CTNNA3: variants seen among roughly 807,000 people sequenced by gnomAD.
CTNNA3 encodes the protein catenin alpha 3, also known as catenin alpha-3.
Under a neutral mutation model 95.7 loss-of-function variants are expected in CTNNA3, and 76 were observed. The observed-to-expected ratio is 0.79, with a 90% CI of 0.66 to 0.96. The LOEUF is 0.96. Among genes scored for constraint, CTNNA3 ranks in the 40% least tolerant of loss-of-function variants. The pLI is 0.00. For synonymous variants in CTNNA3, 431 were observed against 374.4 expected, an observed-to-expected ratio of 1.15 and a Z score of -1.74; for missense variants, 1,191 against 1,089.8, an observed-to-expected ratio of 1.09 and a Z score of -1.31.
At chr10:66,772,468 T>C (rs1042988069) in intron 8 of CTNNA3, among the ~76,000 whole-genome samples, 5 of 147,256 alleles carry the variant, frequency 3.4e-5, no homozygotes, top group African/African-American at 1.2e-4. Flanking sequence ...GAAAACAGGT[T>C]AATGTGTTGG....
At chr10:67,060,546 C>T (rs1422967492) in intron 7 of CTNNA3, among the ~76,000 whole-genome samples, 1 of 152,190 alleles carries the variant, frequency 6.6e-6, no homozygotes, top group African/African-American at 2.4e-5. Flanking sequence ...AGTTAGGCAG[C>T]ACCAGATAAC....
intron 7 of CTNNA3, among the ~76,000 whole-genome samples, chr10:66,822,373 C>A (rs1842333777): frequency 1.3e-5 from 2 of 152,070 alleles, no homozygotes; most frequent in South Asian, 4.1e-4. Context: ...CAGGGAGCCG[C>A]TACTGATCAA....
chr10:67,286,460 C>T (rs1839606639), intron 5 of CTNNA3, among the ~76,000 whole-genome samples: 1 of 152,130 alleles, frequency 6.6e-6, no homozygotes, highest in Non-Finnish European at 1.5e-5. Flanking sequence ...AAAATGGAGA[C>T]AATATTACCT....
At chr10:67,543,663 T>G (rs7083429) in intron 3 of CTNNA3, among the ~76,000 whole-genome samples, 78,191 of 151,926 alleles carry the variant, frequency 0.51, 24,408 homozygotes, top group African/African-American at 0.86. Flanking sequence ...TATGCATCTG[T>G]CCAAGTGATA....
chr10:67,547,063 C>A (rs570060830), intron 3 of CTNNA3, among the ~76,000 whole-genome samples: 7 of 152,102 alleles, frequency 4.6e-5, no homozygotes, highest in Non-Finnish European at 1.0e-4. Flanking sequence ...GGGTATACAA[C>A]AACGATTATA....
intron 17 of CTNNA3, among the ~76,000 whole-genome samples, chr10:65,939,319 A>G: frequency 6.6e-6 from 1 of 152,222 alleles, no homozygotes; most frequent in East Asian, 1.9e-4. Context: ...TTTGTGCAGT[A>G]TGCAGGTTGG....
At chr10:67,130,066 T>C (rs898743855) in intron 7 of CTNNA3, among the ~76,000 whole-genome samples, 3 of 152,112 alleles carry the variant, frequency 2.0e-5, no homozygotes, top group Admixed American at 6.6e-5. Flanking sequence ...GTCTTTGAAA[T>C]CTACCCCCCT....
chr10:67,068,470 C>T (rs1193874920), intron 7 of CTNNA3, among the ~76,000 whole-genome samples: 1 of 152,144 alleles, frequency 6.6e-6, no homozygotes. Flanking sequence ...AGTTTAGAGA[C>T]ACAGATTTGA....
intron 15 of CTNNA3, among the ~76,000 whole-genome samples, chr10:66,048,959 A>G (rs1236398199): frequency 1.4e-5 from 2 of 137,996 alleles, no homozygotes; most frequent in African/African-American, 5.2e-5. Context: ...TAAAATTAAG[A>G]TATTCTACAC....
intron 5 of CTNNA3, among the ~76,000 whole-genome samples, chr10:67,294,245 C>T (rs751543802): frequency 2.3e-4 from 35 of 151,982 alleles, no homozygotes; most frequent in Non-Finnish European, 4.6e-4. Context: ...TATTTAGAGA[C>T]CCAAATATAT....
intron 7 of CTNNA3, among the ~76,000 whole-genome samples, chr10:66,925,216 C>T (rs189082864): frequency 1.2e-3 from 185 of 152,244 alleles, no homozygotes; most frequent in Non-Finnish European, 1.9e-3. Context: ...AAAGTTACCT[C>T]CCCAAGTCTG....
intron 7 of CTNNA3, among the ~76,000 whole-genome samples, chr10:67,037,837 G>C (rs1234817863): frequency 6.6e-6 from 1 of 152,040 alleles, no homozygotes; most frequent in Non-Finnish European, 1.5e-5. Context: ...GAGATGTATT[G>C]GTAAATTATG....
intron 5 of CTNNA3, among the ~76,000 whole-genome samples, chr10:67,485,600 AAC>A (rs61586092): frequency 0.026 from 3,939 of 152,324 alleles, 135 homozygotes; most frequent in African/African-American, 0.078. Context: ...AGGTGGTGAT[AAC>A]ACAGTGGAAG....
intron 9 of CTNNA3, among the ~76,000 whole-genome samples, chr10:66,702,510 G>A (rs1461337783): frequency 1.3e-5 from 2 of 151,882 alleles, no homozygotes; most frequent in Non-Finnish European, 2.9e-5. Flanking sequence ...TTCGAGACTA[G>A]CCTGACCAAC....
intron 7 of CTNNA3, among the ~76,000 whole-genome samples, chr10:66,934,012 G>A (rs1326342879): frequency 6.6e-6 from 1 of 152,052 alleles, no homozygotes; most frequent in African/African-American, 2.4e-5. Context: ...ATAGGGTCAT[G>A]AATGGACGCT....
At chr10:66,178,390 C>T (rs1225726753) in intron 13 of CTNNA3, among the ~76,000 whole-genome samples, 1 of 111,962 alleles carries the variant, frequency 8.9e-6, no homozygotes, top group South Asian at 2.9e-4. Flanking sequence ...AACTACAAAC[C>T]TTGAAAGTGT....
At chr10:67,564,666 T>C (rs1841680366) in intron 3 of CTNNA3, among the ~76,000 whole-genome samples, 1 of 78,662 alleles carries the variant, frequency 1.3e-5, no homozygotes, top group Admixed American at 1.5e-4. Flanking sequence ...TGCATATATG[T>C]GTGTGTGTGT....
Position 66,659,335 on chromosome 10 carries a change from T to A in CTNNA3, c.1282-37551A>T, listed in dbSNP as rs932622535. 3.3e-5 allele frequency among the ~76,000 whole-genome samples: 5 copies of A among 152,010 alleles called. No homozygotes were observed. The East Asian group carries it at 5.8e-4, about 18-fold the overall frequency. On this transcript the variant is annotated intron_variant, in intron 9 of 17. Coordinates refer to ENST00000433211, the MANE Select transcript of CTNNA3 (RefSeq NM_013266.4). Reference sequence around the variant, plus strand: ...GAGAGAGAAGGTCTCTCTGAGGAGGTAACTTTGAGTAGAGACCTGTATAAG... The same window carrying A: ...GAGAGAGAAGGTCTCTCTGAGGAGGAAACTTTGAGTAGAGACCTGTATAAG...
intron 11 of CTNNA3, among the ~76,000 whole-genome samples, chr10:66,451,501 G>A (rs1021115321): frequency 6.6e-6 from 1 of 152,058 alleles, no homozygotes; most frequent in Non-Finnish European, 1.5e-5. Context: ...TATAAAAATG[G>A]TCTAGATTCG....
Sources: allele counts gnomAD v4.1 joint callset (sites outside exome capture counted in the v4.1 genomes callset), GRCh38; gene constraint gnomAD v4.1.1; transcripts MANE v1.5; gene names NCBI Gene and HGNC (gene_info 2026-07-23, HGNC 2026-07-21).